NRXN3: variants seen among roughly 807,000 people sequenced by gnomAD.
The protein encoded by NRXN3 is neurexin III.
A neutral mutation model predicts 137.6 loss-of-function variants in NRXN3; 32 were observed. That is an observed-to-expected ratio of 0.23 (90% CI 0.18 to 0.31). The LOEUF (loss-of-function observed/expected upper bound fraction) is 0.31. Ranked by LOEUF, NRXN3 falls within the 10% of genes least tolerant of loss-of-function variation. The pLI, the probability that NRXN3 is intolerant of heterozygous loss-of-function variation, is 1.00. For missense variants in NRXN3, 1,574 were observed against 2,062.5 expected (o/e 0.76, Z 4.59); for synonymous variants, 798 against 784.5 (o/e 1.02, Z -0.29).
chr14:79,127,506 G>C (rs1026093026), intron 15 of NRXN3, among the ~76,000 whole-genome samples: 3 of 152,134 alleles, frequency 2.0e-5, no homozygotes, highest in Non-Finnish European at 2.9e-5. Context: ...CGTTATTTCT[G>C]AGGGCTCTGT....
At chr14:78,967,008 G>A (rs1223867575) in intron 12 of NRXN3, among the ~76,000 whole-genome samples, 200 bp from the exon 13 acceptor site, 1 of 152,142 alleles carries the variant, frequency 6.6e-6, no homozygotes, top group Non-Finnish European at 1.5e-5. Context: ...AAGTGGACTC[G>A]ATGAGTATGG....
chr14:78,285,953 G>A (rs534358943), intron 3 of NRXN3, among the ~76,000 whole-genome samples: 4 of 152,288 alleles, frequency 2.6e-5, no homozygotes, highest in South Asian at 2.1e-4. Context: ...TCCTGTAGCT[G>A]TTCTCGATGA....
rs189716294 is a variant in NRXN3, at chr14:78,647,148, C to A, written c.1059+1727C>A. On this transcript the variant is annotated intron_variant, in intron 5 of 20. Transcript: ENST00000335750. ...TGTGAAAGGCTCACTTTTGTTTCTA[C>A]TAAAAACACTTTTCTAAAATAGTAT... Among the ~76,000 whole-genome samples the A allele has an allele frequency of 2.7e-3, 418 of 152,336 alleles. 1 individual carries two copies. Among genetic ancestry groups the A allele is most frequent in the South Asian group, 7.7e-3 (37 of 4,822 alleles).
chr14:78,261,087 G>A (rs1258737566), intron 2 of NRXN3, among the ~76,000 whole-genome samples: 2 of 152,156 alleles, frequency 1.3e-5, no homozygotes, highest in Admixed American at 6.5e-5. Context: ...TAAGGAAAGA[G>A]CCCAGGCAGT....
intron 15 of NRXN3, among the ~76,000 whole-genome samples, chr14:79,266,429 C>T (rs1398171259): frequency 2.0e-5 from 3 of 151,856 alleles, no homozygotes; most frequent in Admixed American, 2.0e-4. Context: ...GCTTTATGCT[C>T]ATTATTGGGA....
At chr14:78,355,826 G>A (rs1458791262) in intron 4 of NRXN3, among the ~76,000 whole-genome samples, 4 of 152,162 alleles carry the variant, frequency 2.6e-5, no homozygotes, top group African/African-American at 9.7e-5. Flanking sequence ...TACATGATTG[G>A]TTAGGAGAGT....
intron 15 of NRXN3, among the ~76,000 whole-genome samples, chr14:79,353,841 A>T (rs1377185994): frequency 6.6e-5 from 10 of 151,982 alleles, no homozygotes; most frequent in African/African-American, 2.4e-4. Context: ...CCTTTATTTG[A>T]TTCATTTACC....
At chr14:78,501,112 A>C (rs371739987) in intron 4 of NRXN3, among the ~76,000 whole-genome samples, 14 of 152,164 alleles carry the variant, frequency 9.2e-5, no homozygotes, top group East Asian at 5.8e-4. Context: ...TTAGTTATCT[A>C]TGGCTGCATA....
intron 15 of NRXN3, among the ~76,000 whole-genome samples, chr14:79,319,849 C>T (rs1024571435): frequency 6.6e-6 from 1 of 152,076 alleles, no homozygotes; most frequent in African/African-American, 2.4e-5. Context: ...TAATGGGTGT[C>T]CTTATGTATG....
At chr14:79,430,442 C>T (rs976036848) in intron 15 of NRXN3, among the ~76,000 whole-genome samples, 1 of 152,162 alleles carries the variant, frequency 6.6e-6, no homozygotes, top group African/African-American at 2.4e-5. Flanking sequence ...TAGTTGCACA[C>T]CCAATTATTG....
At chr14:78,665,883 A>C (rs2097881551) in intron 6 of NRXN3, among the ~76,000 whole-genome samples, 1 of 152,110 alleles carries the variant, frequency 6.6e-6, no homozygotes, top group African/African-American at 2.4e-5. Flanking sequence ...TCAATTTATC[A>C]AGCTTATCTC....
intron 16 of NRXN3, among the ~76,000 whole-genome samples, chr14:79,637,546 C>A (rs928956797): frequency 3.3e-5 from 5 of 151,954 alleles, no homozygotes; most frequent in Admixed American, 2.0e-4. Context: ...GGTGGAGGTC[C>A]TCAATCACTG....
chr14:78,723,549 A>G (rs1182331452), intron 8 of NRXN3, among the ~76,000 whole-genome samples: 1 of 152,138 alleles, frequency 6.6e-6, no homozygotes, highest in Non-Finnish European at 1.5e-5. Context: ...AGTCAAACCT[A>G]CACCTGCTTT....
chr14:78,271,758 A>C (rs886215106), intron 2 of NRXN3, among the ~76,000 whole-genome samples: 6 of 152,182 alleles, frequency 3.9e-5, no homozygotes, highest in African/African-American at 9.7e-5. Context: ...AGTTATTAGC[A>C]TCAAAGAACA....
At chr14:78,786,364 A>G (rs2098789319) in intron 8 of NRXN3, among the ~76,000 whole-genome samples, 2 of 152,196 alleles carry the variant, frequency 1.3e-5, no homozygotes, top group African/African-American at 4.8e-5. Context: ...GATACATTAT[A>G]TAGCATCCAA....
intron 14 of NRXN3, among the ~76,000 whole-genome samples, chr14:78,970,405 T>A (rs187694978): frequency 6.6e-6 from 1 of 152,172 alleles, no homozygotes; most frequent in East Asian, 1.9e-4. Context: ...TTGCACTTTT[T>A]TTCACATTAA....
At chr14:78,866,654 A>G (rs2099087468) in intron 10 of NRXN3, among the ~76,000 whole-genome samples, 1 of 151,852 alleles carries the variant, frequency 6.6e-6, no homozygotes, top group Non-Finnish European at 1.5e-5. Flanking sequence ...AACCTATCAT[A>G]GCTTCCAAAA....
intron 16 of NRXN3, chr14:79,632,147 C>T (rs1250646759): frequency 2.6e-5 from 4 of 153,502 alleles, no homozygotes; most frequent in African/African-American, 4.8e-5. Context: ...ACACTCACCG[C>T]GAAGGTCTGC....
At chr14:78,844,575 A>G (rs1002014965) in intron 10 of NRXN3, among the ~76,000 whole-genome samples, 1 of 152,120 alleles carries the variant, frequency 6.6e-6, no homozygotes, top group African/African-American at 2.4e-5. Context: ...AATAAGAAAT[A>G]AAAGTGGTAA....
Sources: allele counts gnomAD v4.1 joint callset (sites outside exome capture counted in the v4.1 genomes callset), GRCh38; gene constraint gnomAD v4.1.1; transcripts MANE v1.5; gene names NCBI Gene and HGNC (gene_info 2026-07-23, HGNC 2026-07-21).